Variants in ZFPM1 observed in about 807,000 individuals in gnomAD.
ZFPM1 encodes zinc finger protein ZFPM1.
Under a neutral mutation model 46.3 loss-of-function variants are expected in ZFPM1, and 28 were observed. That is an observed-to-expected ratio of 0.60 (90% CI 0.45 to 0.83). The LOEUF (loss-of-function observed/expected upper bound fraction) is 0.83. ZFPM1 is among the 40% of genes least tolerant of loss of function. The probability of loss-of-function intolerance (pLI) is 0.00; values close to 1 mark genes in which losing one functional copy is unlikely to be tolerated. For synonymous variants in ZFPM1, 957 were observed against 675.9 expected (o/e 1.42, Z -6.45); for missense variants, 1,878 against 1,432.4 (o/e 1.31, Z -5.02).
chr16:88,504,128 C>T (rs1397541533), intron 3 of ZFPM1, among the ~76,000 whole-genome samples: 4 of 151,976 alleles, frequency 2.6e-5, no homozygotes, highest in Non-Finnish European at 5.9e-5. Flanking sequence ...CAGACAGAGT[C>T]CCCAGGGGGC....
intron 4 of ZFPM1, among the ~76,000 whole-genome samples, chr16:88,525,095 C>G (rs1298371343): frequency 6.6e-6 from 1 of 152,256 alleles, no homozygotes; most frequent in Non-Finnish European, 1.5e-5. Context: ...AAGGCTGTAT[C>G]TTGCTAGATT....
rs150297436 is a variant in ZFPM1 at position 88,498,363 on chromosome 16, G to A, written c.268+9210G>A. On this transcript the variant is annotated intron_variant, in intron 3 of 9. Coordinates refer to ENST00000319555, the MANE Select transcript of ZFPM1 (RefSeq NM_153813.3). Reference sequence around the variant, plus strand: ...GCGCATATCAGGTGCTGGATAGACAGGGATGGGCCTGCCCTGGACGTGTAT... The same window carrying A: ...GCGCATATCAGGTGCTGGATAGACAAGGATGGGCCTGCCCTGGACGTGTAT... 7.9e-5 allele frequency among the ~76,000 whole-genome samples: 12 copies of A among 152,334 alleles called. 1 individual carries two copies. The highest frequency in any genetic ancestry group is 2.9e-4 in the African/African-American group (12 of 41,582).
intron 4 of ZFPM1, 121 bp from the exon 5 acceptor site, chr16:88,526,693 C>CTTGGCTGGT (rs1163420082): frequency 9.2e-7 from 1 of 1,088,344 alleles, no homozygotes; most frequent in African/African-American, 1.5e-5. Flanking sequence ...CTGTCCACAG[C>CTTGGCTGGT]TTGGCCTACC....
chr16:88,477,391 G>A (rs547716039), intron 1 of ZFPM1, among the ~76,000 whole-genome samples: 1 of 146,906 alleles, frequency 6.8e-6, no homozygotes, highest in Non-Finnish European at 1.5e-5. Context: ...GCCTGAGACT[G>A]GGCCAGGTGG....
intron 3 of ZFPM1, among the ~76,000 whole-genome samples, chr16:88,494,586 G>A (rs955791273): frequency 3.3e-5 from 5 of 152,204 alleles, no homozygotes; most frequent in African/African-American, 7.2e-5. Flanking sequence ...GGGGGTGTCC[G>A]CGGGCCTCCA....
intron 3 of ZFPM1, among the ~76,000 whole-genome samples, chr16:88,499,216 C>T (rs1409568787): frequency 6.6e-6 from 1 of 152,212 alleles, no homozygotes; most frequent in African/African-American, 2.4e-5. Flanking sequence ...CTGACTTCAG[C>T]CTCCACCCCG....
chr16:88,532,996 T>A, intron 9 of ZFPM1, 61 bp downstream of exon 9: 1 of 1,599,444 alleles, frequency 6.3e-7, no homozygotes, highest in Non-Finnish European at 8.5e-7. Context: ...GGGAAGGGAG[T>A]GGGCTTGTCG....
intron 1 of ZFPM1, among the ~76,000 whole-genome samples, chr16:88,481,649 C>T (rs1018675417): frequency 6.6e-6 from 1 of 152,070 alleles, no homozygotes; most frequent in Non-Finnish European, 1.5e-5. Flanking sequence ...CCGTACTGTC[C>T]TCATACCCCC....
At chr16:88,455,984 A>C (rs746214953) in intron 1 of ZFPM1, among the ~76,000 whole-genome samples, 13 of 152,142 alleles carry the variant, frequency 8.5e-5, no homozygotes, top group Non-Finnish European at 1.8e-4. Flanking sequence ...CAAGAGCGAT[A>C]AGAGGCCTTA....
intron 4 of ZFPM1, among the ~76,000 whole-genome samples, chr16:88,515,808 G>T (rs146107090): frequency 0.01 from 1,568 of 152,346 alleles, 27 homozygotes; most frequent in African/African-American, 0.036. Flanking sequence ...AGCTGGTTCT[G>T]TGGGGCGTGA....
intron 1 of ZFPM1, among the ~76,000 whole-genome samples, chr16:88,460,431 G>A (rs1205470274): frequency 2.0e-5 from 3 of 152,320 alleles, no homozygotes; most frequent in Middle Eastern, 3.4e-3. Context: ...TCCCTGCCTC[G>A]GTTGGTTCAA....
intron 1 of ZFPM1, among the ~76,000 whole-genome samples, chr16:88,476,959 C>T (rs753207235): frequency 1.8e-4 from 27 of 152,408 alleles, no homozygotes; most frequent in Non-Finnish European, 2.6e-4. Context: ...ACGCTAGACA[C>T]ACAGTGTGAT....
intron 1 of ZFPM1, among the ~76,000 whole-genome samples, chr16:88,460,919 GGGCGGGGCGGGAGGCCTGGT>G (rs1907795315): frequency 1.0e-4 from 5 of 49,298 alleles, no homozygotes; most frequent in African/African-American, 1.9e-4. Context: ...GAGGACCGAG[GGGCGGGGCGGGAGGCCTGGT>G]GATGACCGAG....
intron 3 of ZFPM1, 79 bp from the exon 4 acceptor site, chr16:88,514,308 C>T (rs745924819): frequency 6.5e-6 from 10 of 1,532,176 alleles, no homozygotes; most frequent in South Asian, 1.2e-5. Context: ...TCCACTGCCC[C>T]TTGGGCCAAC....
At position 88,497,899 on chromosome 16, in the gene ZFPM1, C is replaced by T. The variant is rs781426446; in HGVS notation, c.268+8746C>T. 6.6e-6 allele frequency among the ~76,000 whole-genome samples: 1 copy of T among 152,278 alleles called. No homozygotes were observed. Among genetic ancestry groups the T allele is most frequent in the East Asian group, 1.9e-4 (1 of 5,162 alleles). ...CTACGCAAACCTCAAGGCCTGCTAT[C>T]GGGTGGAGGCTGAGGCGGGGGCCCG... On this transcript the variant is annotated intron_variant, in intron 3 of 9. Transcript: ENST00000319555. The surrounding 1 kb of genome is among the most constrained non-coding windows in gnomAD (Gnocchi z 5.4).
At chr16:88,523,896 G>C (rs924195600) in intron 4 of ZFPM1, among the ~76,000 whole-genome samples, 1 of 152,158 alleles carries the variant, frequency 6.6e-6, no homozygotes, top group Admixed American at 6.5e-5. Context: ...CCCCACATAC[G>C]CGGGGTGCAC....
At chr16:88,467,439 C>G (rs1214860897) in intron 1 of ZFPM1, among the ~76,000 whole-genome samples, 1 of 152,216 alleles carries the variant, frequency 6.6e-6, no homozygotes, top group African/African-American at 2.4e-5. Context: ...CAGGGCTTCT[C>G]GAGGAAGGAG....
chr16:88,473,891 C>A (rs925041075), intron 1 of ZFPM1, among the ~76,000 whole-genome samples: 1 of 152,252 alleles, frequency 6.6e-6, no homozygotes. Flanking sequence ...CACATCCCAT[C>A]CCTGGGCACC....
intron 6 of ZFPM1, among the ~76,000 whole-genome samples, chr16:88,531,588 C>T (rs1912787451): frequency 6.6e-6 from 1 of 152,226 alleles, no homozygotes; most frequent in African/African-American, 2.4e-5. Context: ...CACTCCCACG[C>T]ACCTGCACGC....
Sources: gnomAD v4.1 joint callset for allele counts (sites outside exome capture counted in the v4.1 genomes callset) on GRCh38, gnomAD v4.1.1 for gene constraint, Gnocchi (gnomAD v3.1) non-coding constraint, MANE v1.5 for transcripts, NCBI Gene and HGNC (gene_info 2026-07-23, HGNC 2026-07-21) for gene names.